FOXP2: variants seen among roughly 807,000 people sequenced by gnomAD.
The protein encoded by FOXP2 is forkhead box P2, also known as forkhead box protein P2.
Under a neutral mutation model 115.8 loss-of-function variants are expected in FOXP2, and 12 were observed. The observed-to-expected ratio is 0.10, with a 90% CI of 0.07 to 0.17. The LOEUF (loss-of-function observed/expected upper bound fraction) is 0.17, where lower values mean the gene tolerates loss of function less well. FOXP2 is among the 10% of genes least tolerant of loss of function. The pLI, the probability that FOXP2 is intolerant of heterozygous loss-of-function variation, is 1.00. For synonymous variants in FOXP2, 328 were observed against 297.7 expected (o/e 1.10, Z -1.05); for missense variants, 629 against 843.5 (o/e 0.75, Z 3.15).
At chr7:114,547,773 G>A (rs6953249) in intron 3 of FOXP2, among the ~76,000 whole-genome samples, 26,171 of 151,818 alleles carry the variant, frequency 0.17, 2,701 homozygotes, top group African/African-American at 0.29. Context: ...AAAAAGAAAT[G>A]TATGTGATTA....
intron 1 of FOXP2, among the ~76,000 whole-genome samples, chr7:114,135,402 A>T (rs983215779): frequency 6.6e-6 from 1 of 152,008 alleles, no homozygotes; most frequent in Non-Finnish European, 1.5e-5. Context: ...TAAAGGTGCT[A>T]TTTTCATTGC....
At chr7:114,484,048 T>C (rs1796669469) in intron 2 of FOXP2, among the ~76,000 whole-genome samples, 1 of 151,804 alleles carries the variant, frequency 6.6e-6, no homozygotes, top group Admixed American at 6.6e-5. Flanking sequence ...TTCTTAATGT[T>C]ATATGAAGTC....
intron 2 of FOXP2, among the ~76,000 whole-genome samples, chr7:114,505,559 A>G (rs1797767001): frequency 6.6e-6 from 1 of 151,150 alleles, no homozygotes. Flanking sequence ...AGTTAGGATA[A>G]TCACTCTCCA....
intron 2 of FOXP2, among the ~76,000 whole-genome samples, chr7:114,487,642 C>T (rs528903670): frequency 4.6e-5 from 7 of 152,258 alleles, no homozygotes; most frequent in South Asian, 2.1e-4. Context: ...AATTCTTCCA[C>T]GAGATACCCC....
At chr7:114,307,239 G>C (rs1341002226) in intron 2 of FOXP2, among the ~76,000 whole-genome samples, 1 of 151,978 alleles carries the variant, frequency 6.6e-6, no homozygotes, top group African/African-American at 2.4e-5. Context: ...ATTTAACTAA[G>C]GCTACTATTA....
At chr7:114,399,713 A>T (rs894116408) in intron 2 of FOXP2, among the ~76,000 whole-genome samples, 3 of 152,170 alleles carry the variant, frequency 2.0e-5, no homozygotes, top group Admixed American at 1.3e-4. Context: ...AACAATTTTT[A>T]AAAATTCAAT....
chr7:114,186,667 G>A (rs573463122), intron 1 of FOXP2, among the ~76,000 whole-genome samples: 45 of 152,242 alleles, frequency 3.0e-4, no homozygotes, highest in African/African-American at 1.0e-3. Context: ...TGGCCTCATC[G>A]CTGTGGTGGC....
rs777042566 is a variant in FOXP2, at chr7:114,534,641, C to A, written c.193C>A (p.Leu65Ile). 1.2e-5 allele frequency: 20 copies of A among 1,611,892 alleles called. No individual in the cohort carries two copies. The highest frequency in any genetic ancestry group is 3.3e-5 in the Admixed American group (2 of 59,848). The change falls in exon 3 of 17, where the codon CTT (leucine) becomes ATT (isoleucine). Residue 65 changes from leucine to isoleucine, a missense_variant. Leu to Ile is a conservative substitution (Grantham distance 5). Coordinates refer to ENST00000350908, the MANE Select transcript of FOXP2 (RefSeq NM_014491.4). ...GGCTCTCCAGGCAGCAAGACAACTT[C>A]TTTTACAGCAGCAAACAAGTGGATT... Reference protein sequence around the residue: ...QQALQAARQLLLQQQTSGLKS... With the variant: ...QQALQAARQLILQQQTSGLKS...
intron 2 of FOXP2, among the ~76,000 whole-genome samples, chr7:114,515,903 TA>T (rs1378696186): frequency 6.6e-6 from 1 of 152,012 alleles, no homozygotes; most frequent in Admixed American, 6.6e-5. Flanking sequence ...CTCAATGAAA[TA>T]AAAGAGGTTA....
At chr7:114,650,043 A>C (rs994152170) in intron 8 of FOXP2, among the ~76,000 whole-genome samples, 10 of 152,162 alleles carry the variant, frequency 6.6e-5, no homozygotes, top group African/African-American at 1.9e-4. Flanking sequence ...TTTGTGTTCC[A>C]CTGAAAAATT....
At chr7:114,151,740 G>C (rs937607247) in intron 1 of FOXP2, among the ~76,000 whole-genome samples, 2 of 152,026 alleles carry the variant, frequency 1.3e-5, no homozygotes, top group African/African-American at 4.8e-5. Context: ...AAACATTGTA[G>C]GTTTGTGATT....
At chr7:114,150,200 G>C (rs568318808) in intron 1 of FOXP2, among the ~76,000 whole-genome samples, 1 of 152,076 alleles carries the variant, frequency 6.6e-6, no homozygotes, top group Non-Finnish European at 1.5e-5. Flanking sequence ...TTTAGGGTCC[G>C]GATGAAGAGA....
intron 3 of FOXP2, among the ~76,000 whole-genome samples, chr7:114,624,161 A>G (rs1804402912): frequency 6.6e-6 from 1 of 151,908 alleles, no homozygotes; most frequent in Admixed American, 6.6e-5. Context: ...GATAGAAGCA[A>G]ACAGAAGAAA....
chr7:114,315,275 A>G (rs2129180695), intron 2 of FOXP2, among the ~76,000 whole-genome samples: 1 of 152,276 alleles, frequency 6.6e-6, no homozygotes, highest in South Asian at 2.1e-4. Flanking sequence ...ACATTTTCTC[A>G]TTTATCTATT....
chr7:114,235,121 A>G (rs777940918), intron 1 of FOXP2, among the ~76,000 whole-genome samples: 10 of 151,910 alleles, frequency 6.6e-5, no homozygotes, highest in African/African-American at 9.7e-5. Context: ...ATAGTTTTCA[A>G]TAGTCATCAC....
intron 2 of FOXP2, among the ~76,000 whole-genome samples, chr7:114,501,595 G>A (rs1797567788): frequency 1.3e-5 from 2 of 152,006 alleles, no homozygotes; most frequent in Admixed American, 1.3e-4. Flanking sequence ...ATCATGAAAA[G>A]GTGTGCAACC....
At chr7:114,623,276 T>A (rs1303661343) in intron 3 of FOXP2, among the ~76,000 whole-genome samples, 3 of 151,936 alleles carry the variant, frequency 2.0e-5, no homozygotes, top group Non-Finnish European at 4.4e-5. Context: ...AATATGAATG[T>A]GCAGTGGGAT....
At chr7:114,255,538 C>T in intron 1 of FOXP2, among the ~76,000 whole-genome samples, 1 of 152,202 alleles carries the variant, frequency 6.6e-6, no homozygotes, top group African/African-American at 2.4e-5. Context: ...AGTTTGATCT[C>T]AGACTGCTGT....
chr7:114,137,290 A>G (rs1235046193), intron 1 of FOXP2, among the ~76,000 whole-genome samples: 1 of 152,184 alleles, frequency 6.6e-6, no homozygotes, highest in African/African-American at 2.4e-5. Flanking sequence ...AAGTGTGTCT[A>G]TAAGTCAATG....
Sources: gnomAD v4.1 joint callset for allele counts (sites outside exome capture counted in the v4.1 genomes callset) on GRCh38, gnomAD v4.1.1 for gene constraint, MANE v1.5 for transcripts, NCBI Gene and HGNC (gene_info 2026-07-23, HGNC 2026-07-21) for gene names.